SNX19: variants seen among roughly 807,000 people sequenced by gnomAD.
SNX19 encodes sorting nexin 19, also known as sorting nexin-19.
A neutral mutation model predicts 85.2 loss-of-function variants in SNX19; 60 were observed. That is an observed-to-expected ratio of 0.70 (90% CI 0.57 to 0.87). The LOEUF (loss-of-function observed/expected upper bound fraction) is 0.87. SNX19 is among the 40% of genes least tolerant of loss of function. The probability of loss-of-function intolerance (pLI) is 0.00; values close to 1 mark genes in which losing one functional copy is unlikely to be tolerated. For missense variants in SNX19, 1,201 were observed against 1,217.8 expected, an observed-to-expected ratio of 0.99 and a Z score of 0.21; for synonymous variants, 520 against 470.0, an observed-to-expected ratio of 1.11 and a Z score of -1.38.
chr11:130,872,766 A>AT lies in SNX19; in HGVS notation c.*5655dup, dbSNP rs1339536302. Among the ~76,000 whole-genome samples, 1 of 152,166 alleles carries AT rather than the reference A, an allele frequency of 6.6e-6. No homozygotes were observed. The highest frequency in any genetic ancestry group is 6.5e-5 in the Admixed American group (1 of 15,274). On this transcript the variant is annotated 3_prime_UTR_variant, in exon 11 of 11. Transcript: ENST00000265909. ...TTAGGCCTTCGACTACAAAAGTATCATGGTTTCCCTTCCTCCCCAGTTACC... is the reference window on the plus strand; with the variant it reads ...TTAGGCCTTCGACTACAAAAGTATCATTGGTTTCCCTTCCTCCCCAGTTACC...
At chr11:130,881,352 G>A (rs943551527) in intron 8 of SNX19, among the ~76,000 whole-genome samples, 1 of 152,116 alleles carries the variant, frequency 6.6e-6, no homozygotes, top group South Asian at 2.1e-4. Flanking sequence ...TTTATGGAGC[G>A]TTCACTATGT....
At chr11:130,891,561 C>T (rs528401170) in intron 8 of SNX19, among the ~76,000 whole-genome samples, 1 of 152,276 alleles carries the variant, frequency 6.6e-6, no homozygotes, top group South Asian at 2.1e-4. Flanking sequence ...ATGAGTCACA[C>T]TTGTATTTTG....
In SNX19 at chr11:130,867,633, T is replaced by A. The variant is rs1942822915; in HGVS notation, c.*10789A>T. 1 of 152,218 alleles carries A rather than the reference T, an allele frequency of 6.6e-6. No homozygotes were observed. Among genetic ancestry groups the A allele is most frequent in the Admixed American group, 6.5e-5 (1 of 15,278 alleles). 9.4% of individuals were successfully genotyped at this position (152,218 alleles called of 1,614,324 possible). A position where few individuals can be genotyped will look rare whatever the true frequency, so the allele number is the denominator to read the frequency against. On this transcript the variant is annotated 3_prime_UTR_variant, in exon 11 of 11. Transcript: ENST00000265909. ...CCCCGGGTTTCTTTCCTTTCTTCCT[T>A]CCTTAAATTGAGACCCAAATGAGGT...
chr11:130,909,773 T>C (rs7107568), intron 4 of SNX19, among the ~76,000 whole-genome samples: 61,282 of 152,084 alleles, frequency 0.4, 13,426 homozygotes, highest in South Asian at 0.62. Context: ...CCAGGAGATA[T>C]GTGTACACTT....
At position 130,915,416 on chromosome 11, in the gene SNX19, G is replaced by A. The variant is rs373586237; in HGVS notation, c.524C>T (p.Ala175Val). The A allele has an allele frequency of 4.6e-5, 74 of 1,613,870 alleles. No homozygotes were observed. The Middle Eastern group carries it at 5.8e-3, about 126-fold the overall frequency. The change falls in exon 1 of 11, where the codon GCC (alanine) becomes GTC (valine). Residue 175 changes from alanine (A) to valine (V), a missense_variant. Ala to Val is a moderately conservative substitution (Grantham distance 64, BLOSUM62 0). This residue lies in a region of SNX19 where 791 missense variants were observed against 750.9 expected (regional missense o/e 1.05). Coordinates refer to ENST00000265909, the MANE Select transcript of SNX19 (RefSeq NM_014758.3). ...HLQSYIQAKE[A>V]TAGKNGPVEP... is the part of the protein sequence containing the mutation. ...AACTGGACCATTCTTCCCTGCAGTG[G>A]CCTCCTTTGCCTGAATGTAGCTCTG...
Position 130,868,236 on chromosome 11 carries a change from A to AT in SNX19, c.*10185dup, listed in dbSNP as rs1942857093. ...ACTCTCTCCTACTGACAGGAAGAGA[A>AT]TTAGCCTCCTTTGGTGTTACTGCTC... On this transcript the variant is annotated 3_prime_UTR_variant, in exon 11 of 11. Transcript: ENST00000265909. The AT allele has an allele frequency of 6.6e-6, 1 of 152,176 alleles. No homozygotes were observed. Among genetic ancestry groups the AT allele is most frequent in the African/African-American group, 2.4e-5 (1 of 41,436 alleles). 9.4% of individuals were successfully genotyped at this position (152,176 alleles called of 1,614,324 possible).
At chr11:130,881,390 G>A (rs1413214102) in intron 8 of SNX19, among the ~76,000 whole-genome samples, 4 of 152,160 alleles carry the variant, frequency 2.6e-5, no homozygotes, top group Non-Finnish European at 5.9e-5. Flanking sequence ...AAGTTTTACA[G>A]AACAGAACAC....
Position 130,915,375 on chromosome 11 carries a change from A to T in SNX19, c.565T>A (p.Trp189Arg). ...GCAGTCGCCCGGCAGTAAGCCTCCCAGAGGTGGGAAGGCTCAACTGGACCA... is the reference window on the plus strand; with the variant it reads ...GCAGTCGCCCGGCAGTAAGCCTCCCTGAGGTGGGAAGGCTCAACTGGACCA... ...KNGPVEPSHLWEAYCRATAPH... is the reference protein window; with the variant it reads ...KNGPVEPSHLREAYCRATAPH... The change falls in exon 1 of 11, where the codon TGG becomes AGG. Residue 189 changes from tryptophan (W) to arginine (R), a missense_variant. Around this residue, in one of 3 missense-constraint regions of SNX19, gnomAD observed 791 missense variants for 750.9 expected, o/e 1.05. Coordinates refer to ENST00000265909, the MANE Select transcript of SNX19 (RefSeq NM_014758.3). 2 of 1,614,112 alleles carry T rather than the reference A, an allele frequency of 1.2e-6. No individual in the cohort carries two copies. Among genetic ancestry groups the T allele is most frequent in the Non-Finnish European group, 1.7e-6 (2 of 1,180,038 alleles).
At position 130,914,317 on chromosome 11, in the gene SNX19, G is replaced by T; in HGVS notation, c.1623C>A (p.Ala541=). 6.2e-7 allele frequency: 1 copy of T among 1,609,542 alleles called. No homozygotes were observed. ...GGAATCCAGTGCCACTGTGCTCTCG[G>T]GCTGTAATGGTGCCAGTGATACGAA... The part of the protein sequence containing the change: ...QNLRITGTIT[A]REHSGTGFHP... Residue 541 remains alanine (A), a synonymous_variant, in exon 1 of 11, where the codon GCC becomes GCA. Coordinates refer to ENST00000265909, the MANE Select transcript of SNX19 (RefSeq NM_014758.3).
chr11:130,879,807 G>T, intron 9 of SNX19, 96 bp from the exon 10 acceptor site: 1 of 1,149,228 alleles, frequency 8.7e-7, no homozygotes, highest in Non-Finnish European at 1.3e-6. Flanking sequence ...TTTTTACATA[G>T]GTTAGGTATT....
chr11:130,884,880 A>AG, intron 8 of SNX19, among the ~76,000 whole-genome samples: 1 of 151,516 alleles, frequency 6.6e-6, no homozygotes, highest in East Asian at 1.9e-4. Context: ...TCAAAAAAAA[A>AG]AAAAAAAAAA....
chr11:130,911,444 G>A (rs967615262), intron 2 of SNX19, 189 bp downstream of exon 2: 29 of 1,407,366 alleles, frequency 2.1e-5, no homozygotes, highest in Middle Eastern at 2.7e-4. Context: ...TGGCAGTAAA[G>A]GACTACCTCT....
intron 8 of SNX19, among the ~76,000 whole-genome samples, chr11:130,885,592 A>C (rs1442252405): frequency 2.0e-5 from 3 of 152,224 alleles, no homozygotes; most frequent in Non-Finnish European, 4.4e-5. Context: ...GAAGAGGAGA[A>C]AGGGAAGAAG....
chr11:130,913,051 CA>C (rs1946262464), intron 1 of SNX19, among the ~76,000 whole-genome samples: 1 of 152,010 alleles, frequency 6.6e-6, no homozygotes, highest in South Asian at 2.1e-4. Context: ...TAGCAGATGT[CA>C]AAATCTAGCC....
At chr11:130,894,814 C>T in intron 8 of SNX19, 5 of 985,440 alleles carry the variant, frequency 5.1e-6, no homozygotes, top group Non-Finnish European at 6.0e-6. Context: ...CTAAACCAGT[C>T]TAAATGACAC....
chr11:130,912,033 C>A (rs1305217366), intron 1 of SNX19, among the ~76,000 whole-genome samples: 1 of 151,784 alleles, frequency 6.6e-6, no homozygotes, highest in Non-Finnish European at 1.5e-5. Flanking sequence ...AAAATGGCTA[C>A]ATAACTGTTT....
At chr11:130,913,390 C>T (rs1408858264) in intron 1 of SNX19, among the ~76,000 whole-genome samples, 1 of 152,156 alleles carries the variant, frequency 6.6e-6, no homozygotes, top group Non-Finnish European at 1.5e-5. Flanking sequence ...GTGTGTTCAC[C>T]CATATGCATT....
chr11:130,897,192 G>C (rs3794137), intron 8 of SNX19, among the ~76,000 whole-genome samples: 96,064 of 151,354 alleles, frequency 0.63, 30,726 homozygotes, highest in South Asian at 0.8. Context: ...TCTCCTGGGT[G>C]CCCTGCTTGT....
rs991183325 is a variant in SNX19 at position 130,875,467 on chromosome 11, T to G, written c.*2955A>C. Reference sequence around the variant, plus strand: ...TGCTTCTAGTTAATAATGTACCGTCTCAAAATAAATAAATAATGTACTGTA... The same window carrying G: ...TGCTTCTAGTTAATAATGTACCGTCGCAAAATAAATAAATAATGTACTGTA... On this transcript the variant is annotated 3_prime_UTR_variant, in exon 11 of 11. Coordinates refer to ENST00000265909, the MANE Select transcript of SNX19 (RefSeq NM_014758.3). 2 of 152,176 alleles carry G rather than the reference T, an allele frequency of 1.3e-5. No homozygotes were observed. Among genetic ancestry groups the G allele is most frequent in the Non-Finnish European group, 2.9e-5 (2 of 68,030 alleles). The allele number at this position is 152,176 out of a possible 1,614,324, so 9.4% of individuals were successfully genotyped here. A position where few individuals can be genotyped will look rare whatever the true frequency, so the allele number is the denominator to read the frequency against.
Sources: gnomAD v4.1 joint callset for allele counts (sites outside exome capture counted in the v4.1 genomes callset) on GRCh38, gnomAD v4.1.1 for gene constraint, gnomAD v4.1.1 regional missense constraint, MANE v1.5 for transcripts, NCBI Gene and HGNC (gene_info 2026-07-23, HGNC 2026-07-21) for gene names.